CPA6: variants seen among roughly 807,000 people sequenced by gnomAD.
CPA6 encodes carboxypeptidase B.
In CPA6, 58 loss-of-function variants were observed where a neutral mutation model predicts 63.3. The ratio of observed to expected loss-of-function variants is 0.92; its 90% CI spans 0.74 to 1.14. CPA6 has a LOEUF of 1.14. Among genes scored for constraint, CPA6 ranks in the 50% most tolerant of loss-of-function variants. The probability of loss-of-function intolerance (pLI) is 0.00; values close to 1 mark genes in which losing one functional copy is unlikely to be tolerated. For synonymous variants in CPA6, 185 were observed against 179.0 expected, an observed-to-expected ratio of 1.03 and a Z score of -0.27; for missense variants, 565 against 526.6, an observed-to-expected ratio of 1.07 and a Z score of -0.71.
At chr8:67,517,125 ATT>A (rs112454905) in intron 3 of CPA6, among the ~76,000 whole-genome samples, 11 of 146,420 alleles carry the variant, frequency 7.5e-5, no homozygotes, top group African/African-American at 2.7e-4. Context: ...TGCTCTAACC[ATT>A]TTTTTTTTTA....
chr8:67,710,834 A>G (rs909912504), intron 1 of CPA6, among the ~76,000 whole-genome samples: 2 of 152,196 alleles, frequency 1.3e-5, no homozygotes, highest in African/African-American at 4.8e-5. Flanking sequence ...GTTCAGAAGA[A>G]ATGGATTTAG....
intron 1 of CPA6, among the ~76,000 whole-genome samples, chr8:67,743,207 G>C (rs1488925286): frequency 1.3e-5 from 2 of 152,120 alleles, no homozygotes; most frequent in Admixed American, 6.5e-5. Flanking sequence ...CCTTTCCTAT[G>C]CATTTAAAGA....
chr8:67,672,287 A>G (rs1464825716), intron 1 of CPA6, among the ~76,000 whole-genome samples: 1 of 152,206 alleles, frequency 6.6e-6, no homozygotes. Context: ...ATTTTATATC[A>G]TAGTTTTGTC....
At chr8:67,701,537 G>A (rs1421300160) in intron 1 of CPA6, among the ~76,000 whole-genome samples, 4 of 152,162 alleles carry the variant, frequency 2.6e-5, no homozygotes, top group African/African-American at 7.2e-5. Flanking sequence ...CGTCCCACAT[G>A]ATGATTTAAT....
chr8:67,628,427 C>T (rs1815242410), intron 1 of CPA6, among the ~76,000 whole-genome samples: 1 of 152,158 alleles, frequency 6.6e-6, no homozygotes, highest in Admixed American at 6.5e-5. Flanking sequence ...ATTATGAAAT[C>T]CTAAACTTCT....
chr8:67,487,373 G>A (rs1811502650), intron 6 of CPA6, among the ~76,000 whole-genome samples: 1 of 152,136 alleles, frequency 6.6e-6, no homozygotes, highest in Non-Finnish European at 1.5e-5. Flanking sequence ...CCCTGCAAAG[G>A]ACATGAACTC....
chr8:67,527,331 C>T (rs967727721), intron 2 of CPA6, among the ~76,000 whole-genome samples: 2 of 152,150 alleles, frequency 1.3e-5, no homozygotes, highest in Non-Finnish European at 2.9e-5. Context: ...TTTTGTTATG[C>T]ATTTCCTCTT....
intron 2 of CPA6, among the ~76,000 whole-genome samples, chr8:67,551,318 A>C (rs1812932035): frequency 6.6e-6 from 1 of 151,736 alleles, no homozygotes; most frequent in African/African-American, 2.4e-5. Context: ...TTTTATTGAA[A>C]ATGAGATGGC....
intron 1 of CPA6, among the ~76,000 whole-genome samples, chr8:67,699,942 TA>T (rs1816990016): frequency 6.6e-6 from 1 of 152,206 alleles, no homozygotes; most frequent in Admixed American, 6.5e-5. Flanking sequence ...GAGAATCCTC[TA>T]CAATTGTATG....
chr8:67,457,421 G>A (rs1400258889), intron 8 of CPA6, among the ~76,000 whole-genome samples: 1 of 152,064 alleles, frequency 6.6e-6, no homozygotes, highest in Admixed American at 6.6e-5. Context: ...GGATATATGG[G>A]GGACTTATTT....
chr8:67,729,056 C>T (rs1817657809), intron 1 of CPA6, among the ~76,000 whole-genome samples: 1 of 152,168 alleles, frequency 6.6e-6, no homozygotes, highest in Non-Finnish European at 1.5e-5. Context: ...TCACCTGACT[C>T]CTTATCCTGC....
At chr8:67,658,014 G>T (rs1193408343) in intron 1 of CPA6, among the ~76,000 whole-genome samples, 1 of 152,120 alleles carries the variant, frequency 6.6e-6, no homozygotes, top group Non-Finnish European at 1.5e-5. Context: ...CCACATGCTG[G>T]TTTTTCAGCC....
intron 1 of CPA6, among the ~76,000 whole-genome samples, chr8:67,740,610 C>T (rs1211191462): frequency 1.3e-5 from 2 of 152,164 alleles, no homozygotes; most frequent in Non-Finnish European, 2.9e-5. Context: ...TGCTCTGATG[C>T]CCAGACTGGA....
chr8:67,713,947 T>C (rs1032863507), intron 1 of CPA6, among the ~76,000 whole-genome samples: 1 of 152,212 alleles, frequency 6.6e-6, no homozygotes, highest in Non-Finnish European at 1.5e-5. Flanking sequence ...CTCTGGTGAC[T>C]GTTAAAAGCC....
intron 2 of CPA6, among the ~76,000 whole-genome samples, chr8:67,558,103 GC>G (rs1813110507): frequency 6.6e-6 from 1 of 152,106 alleles, no homozygotes; most frequent in African/African-American, 2.4e-5. Context: ...AGCCAGACAA[GC>G]TTTGTTTATT....
At chr8:67,563,205 G>A (rs992891322) in intron 2 of CPA6, among the ~76,000 whole-genome samples, 18 of 152,036 alleles carry the variant, frequency 1.2e-4, no homozygotes, top group African/African-American at 4.3e-4. Context: ...AAAAATGTAT[G>A]TTTTGGTGTT....
intron 8 of CPA6, among the ~76,000 whole-genome samples, chr8:67,478,840 C>A (rs1811297845): frequency 6.6e-6 from 1 of 152,054 alleles, no homozygotes; most frequent in Non-Finnish European, 1.5e-5. Flanking sequence ...AGTTCGAGAC[C>A]AGCCTGGCCA....
At chr8:67,545,156 G>A (rs1460856199) in intron 2 of CPA6, among the ~76,000 whole-genome samples, 3 of 152,112 alleles carry the variant, frequency 2.0e-5, no homozygotes, top group Non-Finnish European at 2.9e-5. Context: ...TTTCAAATGT[G>A]TAGCAGCTCT....
intron 10 of CPA6, among the ~76,000 whole-genome samples, chr8:67,424,258 C>T (rs995056185): frequency 3.3e-5 from 5 of 152,074 alleles, no homozygotes; most frequent in African/African-American, 4.8e-5. Context: ...AAATAAAGTG[C>T]GCAATGAATG....
Sources: allele counts gnomAD v4.1 joint callset (sites outside exome capture counted in the v4.1 genomes callset), GRCh38; gene constraint gnomAD v4.1.1; transcripts MANE v1.5; gene names NCBI Gene and HGNC (gene_info 2026-07-23, HGNC 2026-07-21).